The following ZMYND8 variants were observed in gnomAD, a reference collection of about 807,000 sequenced individuals.
The protein encoded by ZMYND8 is zinc finger MYND-type containing 8.
In ZMYND8, 37 loss-of-function variants were observed where a neutral mutation model predicts 140.8. The ratio of observed to expected loss-of-function variants is 0.26; its 90% confidence interval spans 0.20 to 0.35. The LOEUF is 0.35. Ranked by LOEUF, ZMYND8 falls within the 10% of genes least tolerant of loss-of-function variation. The pLI is 1.00. For missense variants in ZMYND8, 1,068 were observed against 1,570.0 expected, an observed-to-expected ratio of 0.68 and a Z score of 5.40; for synonymous variants, 592 against 597.1, an observed-to-expected ratio of 0.99 and a Z score of 0.12.
At chr20:47,289,900 T>C (rs912991321) in intron 7 of ZMYND8, among the ~76,000 whole-genome samples, 3 of 152,200 alleles carry the variant, frequency 2.0e-5, no homozygotes, top group Non-Finnish European at 4.4e-5. Flanking sequence ...TCAGTGAATA[T>C]AAACATAAAA....
At position 47,347,931 on chromosome 20, in the gene ZMYND8, AAC is replaced by A; in HGVS notation, c.15-7_15-6del. The A allele has an allele frequency of 6.2e-7, 1 of 1,613,742 alleles. No homozygotes were observed. Among genetic ancestry groups the A allele is most frequent in the Non-Finnish European group, 8.5e-7 (1 of 1,180,004 alleles). On this transcript the variant is annotated splice_region_variant and splice_polypyrimidine_tract_variant and intron_variant, in intron 1 of 22. Coordinates refer to ENST00000471951, the MANE Select transcript of ZMYND8 (RefSeq NM_001281775.3). Reference sequence around the variant, plus strand: ...TTTATTTCCTCTTCAGCCAAGCTGAAACAGAGCAAATTATGTTCATGTTTAGG... The same window carrying A: ...TTTATTTCCTCTTCAGCCAAGCTGAAAGAGCAAATTATGTTCATGTTTAGG...
intron 11 of ZMYND8, among the ~76,000 whole-genome samples, chr20:47,268,517 T>C (rs1489542935): frequency 6.6e-6 from 1 of 151,442 alleles, no homozygotes; most frequent in East Asian, 2.0e-4. Context: ...ATGGTCTCGA[T>C]CTCCTGACCT....
At chr20:47,306,002 G>C (rs972572695) in intron 3 of ZMYND8, among the ~76,000 whole-genome samples, 1 of 152,126 alleles carries the variant, frequency 6.6e-6, no homozygotes, top group African/African-American at 2.4e-5. Flanking sequence ...ACCTTCCTAA[G>C]GGGTGAAAAC....
chr20:47,255,311 T>A (rs930666217), intron 12 of ZMYND8, among the ~76,000 whole-genome samples: 3 of 151,902 alleles, frequency 2.0e-5, no homozygotes, highest in Non-Finnish European at 2.9e-5. Flanking sequence ...TGGCCTTTCA[T>A]GAAATGTCCT....
At chr20:47,266,224 C>T (rs1388678918) in intron 11 of ZMYND8, among the ~76,000 whole-genome samples, 4 of 150,678 alleles carry the variant, frequency 2.7e-5, no homozygotes, top group Non-Finnish European at 5.9e-5. Context: ...GCCACGGCCA[C>T]CCACCTGGTG....
At chr20:47,349,352 A>G (rs766029087) in intron 1 of ZMYND8, among the ~76,000 whole-genome samples, 1 of 152,246 alleles carries the variant, frequency 6.6e-6, no homozygotes, top group Non-Finnish European at 1.5e-5. Flanking sequence ...AAAGCCTGTG[A>G]CACAAATCAC....
chr20:47,282,047 A>G, intron 10 of ZMYND8, 55 bp downstream of exon 10: 1 of 1,419,932 alleles, frequency 7.0e-7, no homozygotes. Flanking sequence ...TTATCTCATA[A>G]CAGTATCAAA....
At chr20:47,339,054 GC>G (rs2081615627) in intron 2 of ZMYND8, among the ~76,000 whole-genome samples, 2 of 149,808 alleles carry the variant, frequency 1.3e-5, no homozygotes, top group Non-Finnish European at 3.0e-5. Context: ...CTCACTGCAA[GC>G]TCTGCCTCCC....
rs777853052 is a variant in ZMYND8 at position 47,212,654 on chromosome 20, G to C, written c.3556C>G (p.Pro1186Ala). The C allele has an allele frequency of 6.2e-7, 1 of 1,613,938 alleles. No individual in the cohort carries two copies. Among genetic ancestry groups the C allele is most frequent in the Non-Finnish European group, 8.5e-7 (1 of 1,179,880 alleles). ...TTDHQPHPNY[P>A]AQKYHSRSNK... Reference sequence around the variant, plus strand: ...GGTTCATACTTACACTTCTGGGCGGGGTAGTTGGGGTGCGGCTGGTGGTCT... The same window carrying C: ...GGTTCATACTTACACTTCTGGGCGGCGTAGTTGGGGTGCGGCTGGTGGTCT... Residue 1186 changes from proline to alanine, a missense_variant, in exon 22 of 23, where the codon CCC (proline) becomes GCC (alanine). Physicochemically the swap from Pro to Ala is conservative, Grantham distance 27 (BLOSUM62 -1). Coordinates refer to ENST00000471951, the MANE Select transcript of ZMYND8 (RefSeq NM_001281775.3).
rs562465132 is a variant in ZMYND8 at position 47,283,980 on chromosome 20, T to A, written c.805-332A>T. Among the ~76,000 whole-genome samples the A allele has an allele frequency of 6.6e-4, 100 of 152,210 alleles. 3 individuals are homozygous for A. The South Asian group carries it at 0.021, about 32-fold the overall frequency. ...CTCTGCTGCCCAGGCTGGAGTGCAG[T>A]GGCCCGATCTGGGCTCATTGCAACT... is the stretch of plus-strand genomic sequence containing the variant. On this transcript the variant is annotated intron_variant, in intron 8 of 22. Transcript: ENST00000471951.
At chr20:47,316,322 C>T (rs755321378) in intron 2 of ZMYND8, among the ~76,000 whole-genome samples, 14 of 144,768 alleles carry the variant, frequency 9.7e-5, no homozygotes, top group Admixed American at 4.1e-4. Flanking sequence ...CAGAACGAGA[C>T]TTTGTCTCAA....
intron 2 of ZMYND8, among the ~76,000 whole-genome samples, chr20:47,346,933 T>C (rs1204313760): frequency 6.6e-6 from 1 of 152,170 alleles, no homozygotes; most frequent in Non-Finnish European, 1.5e-5. Context: ...ATCCTCAAAA[T>C]GCTTTTGGTT....
intron 8 of ZMYND8, among the ~76,000 whole-genome samples, chr20:47,285,201 G>T (rs971142007): frequency 6.6e-6 from 1 of 152,192 alleles, no homozygotes. Flanking sequence ...AGCCCATGCA[G>T]GTCACCACTG....
intron 18 of ZMYND8, among the ~76,000 whole-genome samples, chr20:47,226,314 G>C (rs537627746): frequency 1.4e-4 from 21 of 152,308 alleles, no homozygotes; most frequent in African/African-American, 3.8e-4. Flanking sequence ...ACCTGGGCAT[G>C]GGTCCTCAAC....
At chr20:47,333,209 A>T (rs2081093978) in intron 2 of ZMYND8, among the ~76,000 whole-genome samples, 1 of 151,838 alleles carries the variant, frequency 6.6e-6, no homozygotes, top group Non-Finnish European at 1.5e-5. Flanking sequence ...TGAGAGAGAG[A>T]GAGATAAAAA....
intron 6 of ZMYND8, 71 bp from the exon 7 acceptor site, chr20:47,290,345 C>G (rs2077175455): frequency 7.2e-7 from 1 of 1,383,844 alleles, no homozygotes; most frequent in Admixed American, 2.1e-5. Context: ...TCTTGTGTCC[C>G]CACATAATTT....
At chr20:47,304,330 TA>T (rs1431217415) in intron 3 of ZMYND8, among the ~76,000 whole-genome samples, 10 of 152,356 alleles carry the variant, frequency 6.6e-5, no homozygotes, top group Non-Finnish European at 1.0e-4. Flanking sequence ...AAGGCTTCTA[TA>T]AGGATAGTAA....
intron 13 of ZMYND8, among the ~76,000 whole-genome samples, chr20:47,248,507 C>A (rs1244421752): frequency 6.6e-6 from 1 of 152,212 alleles, no homozygotes; most frequent in East Asian, 1.9e-4. Flanking sequence ...TCTCCAGAGG[C>A]CCAGCCATCC....
chr20:47,318,530 G>T, intron 2 of ZMYND8: 2 of 360,050 alleles, frequency 5.6e-6, no homozygotes, highest in Non-Finnish European at 5.5e-6. Flanking sequence ...AGGAGCAAAG[G>T]TTGGGGGTGG....
Sources: allele counts gnomAD v4.1 joint callset (sites outside exome capture counted in the v4.1 genomes callset), GRCh38; gene constraint gnomAD v4.1.1; transcripts MANE v1.5; gene names NCBI Gene and HGNC (gene_info 2026-07-23, HGNC 2026-07-21).